The following CXADR variants were observed in gnomAD, a reference collection of about 807,000 sequenced individuals.
CXADR encodes the protein CXADR cell adhesion molecule.
A neutral mutation model predicts 40.3 loss-of-function variants in CXADR; 20 were observed. The observed-to-expected ratio is 0.50, with a 90% CI of 0.35 to 0.72. CXADR has a LOEUF of 0.72. Ranked by LOEUF, CXADR falls within the 30% of genes least tolerant of loss-of-function variation. The probability of loss-of-function intolerance (pLI) is 0.01; values close to 1 mark genes in which losing one functional copy is unlikely to be tolerated. For synonymous variants in CXADR, 150 were observed against 161.3 expected, an observed-to-expected ratio of 0.93 and a Z score of 0.53; for missense variants, 332 against 449.1, an observed-to-expected ratio of 0.74 and a Z score of 2.36.
At chr21:17,580,021 C>T (rs1165280694) in intron 7 of CXADR, among the ~76,000 whole-genome samples, 1 of 152,034 alleles carries the variant, frequency 6.6e-6, no homozygotes, top group Non-Finnish European at 1.5e-5. Context: ...TGGGATCTTG[C>T]TATGTTATCT....
rs148621597 is a variant in CXADR, at chr21:17,567,156, C to G, written c.*1464C>G. On this transcript the variant is annotated 3_prime_UTR_variant, in exon 7 of 7. Transcript: ENST00000284878. ...TCTGCAATAAATTATTTCACTAGCT[C>G]TAAAACCTTTCCCTAGATTTTAGTA... is the stretch of plus-strand genomic sequence containing the variant. 4.8e-3 allele frequency: 4,697 copies of G among 984,768 alleles called. 40 individuals carry two copies. The highest frequency in any genetic ancestry group is 0.027 in the African/African-American group (1,559 of 57,274). 61.0% of individuals were successfully genotyped at this position (984,768 alleles called of 1,614,324 possible).
rs143478011 is a variant in CXADR, at chr21:17,561,436, A to C, written c.793A>C (p.Arg265=). 1,621 of 1,611,884 alleles carry C rather than the reference A, an allele frequency of 1.0e-3. 1 individual carries two copies. The highest frequency in any genetic ancestry group is 1.3e-3 in the Non-Finnish European group (1,483 of 1,178,812). ...LIIFCCRKKR[R]EEKYEKEVHH... is the part of the protein sequence containing the mutation. ...CATCTTTTGCTGTCGTAAAAAGCGC[A>C]GAGAAGAAAAATATGAAAAGGAAGT... The change falls in exon 6 of 7, where the codon AGA becomes CGA. Residue 265 remains arginine (R), a synonymous_variant. Coordinates refer to ENST00000284878, the MANE Select transcript of CXADR (RefSeq NM_001338.5).
chr21:17,592,719 A>C lies in CXADR; in HGVS notation c.1018-433A>C, dbSNP rs559556864. On this transcript the variant is annotated intron_variant, in intron 7 of 7. Coordinates refer to the CXADR transcript ENST00000400169. ...GTGACACTAATAAACAAACATGCTCATGTTTGAATAGGCAGTCACTAGATT... is the reference window on the plus strand; with the variant it reads ...GTGACACTAATAAACAAACATGCTCCTGTTTGAATAGGCAGTCACTAGATT... Among the ~76,000 whole-genome samples the C allele has an allele frequency of 2.0e-5, 3 of 151,994 alleles. No individual in the cohort carries two copies. The South Asian group carries it at 6.2e-4, about 31-fold the overall frequency.
intron 3 of CXADR, 48 bp from the exon 4 acceptor site, chr21:17,558,928 G>A (rs1272184725): frequency 1.2e-5 from 19 of 1,558,408 alleles, no homozygotes; most frequent in South Asian, 3.7e-5. Flanking sequence ...ATTCATAAAA[G>A]TAAGTTCCAT....
At chr21:17,574,998 CACATACATACATACAT>C (rs1555875111), downstream of CXADR, among the ~76,000 whole-genome samples, 13 of 38,050 alleles carry the variant, frequency 3.4e-4, no homozygotes, top group Non-Finnish European at 5.1e-4. Context: ...TATATACACA[CACATACATACATACAT>C]ACATACATAC....
At chr21:17,543,035 G>T (rs558028478) in intron 1 of CXADR, 1 of 375,234 alleles carries the variant, frequency 2.7e-6, no homozygotes, top group Non-Finnish European at 5.3e-6. Context: ...GTGCAACACA[G>T]TGAAGAGGAA....
chr21:17,604,213 C>T, the CXADR span: 8 of 881,416 alleles, frequency 9.1e-6, no homozygotes, highest in South Asian at 6.6e-5. Flanking sequence ...GAGGCCAAGG[C>T]GGGCGGATCA....
the CXADR span, among the ~76,000 whole-genome samples, chr21:17,609,590 T>C: frequency 6.6e-6 from 1 of 152,242 alleles, no homozygotes; most frequent in Non-Finnish European, 1.5e-5. Flanking sequence ...AGAGCTATTT[T>C]ATAACAGAAA....
At chr21:17,516,113 A>G (rs1488873298) in intron 1 of CXADR, among the ~76,000 whole-genome samples, 2 of 152,192 alleles carry the variant, frequency 1.3e-5, no homozygotes, top group African/African-American at 2.4e-5. Flanking sequence ...AATGCCAGAT[A>G]CTGTTCTAAG....
intron 2 of CXADR, among the ~76,000 whole-genome samples, chr21:17,550,030 G>A (rs934465481): frequency 5.3e-5 from 8 of 152,090 alleles, no homozygotes; most frequent in South Asian, 2.1e-4. Context: ...AACTGGTATT[G>A]AGCGCAACCT....
downstream of CXADR, chr21:17,594,032 T>A (rs1051615758): frequency 5.2e-6 from 8 of 1,538,480 alleles, no homozygotes; most frequent in Non-Finnish European, 5.2e-6. Flanking sequence ...TAACTTTTAA[T>A]GTGTAGTAAG....
chr21:17,528,656 C>T (rs927119601), intron 1 of CXADR, among the ~76,000 whole-genome samples: 2 of 152,262 alleles, frequency 1.3e-5, no homozygotes, highest in African/African-American at 2.4e-5. Flanking sequence ...GATCCGCCCA[C>T]CTTGGCCTCC....
rs989143354 is a variant in CXADR at position 17,561,964 on chromosome 21, T to C, written c.833+488T>C. On this transcript the variant is annotated intron_variant, in intron 6 of 6. Coordinates refer to ENST00000284878, the MANE Select transcript of CXADR (RefSeq NM_001338.5). Reference sequence around the variant, plus strand: ...AACACATGACTTCACACCCTAGAAATTGACATTTGGCAGGTCTAGGGTGGG... The same window carrying C: ...AACACATGACTTCACACCCTAGAAACTGACATTTGGCAGGTCTAGGGTGGG... Among the ~76,000 whole-genome samples the C allele has an allele frequency of 3.2e-4, 49 of 152,308 alleles. 1 individual carries two copies. The highest frequency in any genetic ancestry group is 1.7e-4 in the African/African-American group (7 of 41,572).
chr21:17,551,696 T>A, intron 2 of CXADR, 53 bp from the exon 3 acceptor site: 1 of 1,502,692 alleles, frequency 6.7e-7, no homozygotes, highest in South Asian at 1.2e-5. Flanking sequence ...TAAGAGACAG[T>A]TTTTTTTGTG....
intron 7 of CXADR, among the ~76,000 whole-genome samples, chr21:17,581,024 T>G (rs370656361): frequency 9.8e-5 from 15 of 152,378 alleles, no homozygotes; most frequent in African/African-American, 3.4e-4. Flanking sequence ...GAGCTGGGAT[T>G]ATAGGCATGA....
chr21:17,578,849 G>A (rs918793068), intron 7 of CXADR, among the ~76,000 whole-genome samples: 3 of 152,034 alleles, frequency 2.0e-5, no homozygotes, highest in Non-Finnish European at 4.4e-5. Flanking sequence ...ATCTAAGGAA[G>A]CAGTACATTT....
At position 17,558,327 on chromosome 21, in the gene CXADR, G is replaced by A. The variant is rs569251212; in HGVS notation, c.416-649G>A. ...GAAGTTTTTATTATGACAGAGTCTC[G>A]CTATGTTACCCAGGCTGGTCTCAAA... On this transcript the variant is annotated intron_variant, in intron 3 of 6. Coordinates refer to ENST00000284878, the MANE Select transcript of CXADR (RefSeq NM_001338.5). Among the ~76,000 whole-genome samples, 13 of 152,022 alleles carry A rather than the reference G, an allele frequency of 8.6e-5. No individual in the cohort carries two copies. In the East Asian group the frequency reaches 9.7e-4, roughly 11 times the overall value.
chr21:17,536,098 C>T (rs977574912), intron 1 of CXADR, among the ~76,000 whole-genome samples: 1 of 152,148 alleles, frequency 6.6e-6, no homozygotes, highest in Non-Finnish European at 1.5e-5. Flanking sequence ...CGAGAAGAAT[C>T]ATGTATCAGT....
At chr21:17,617,896 T>C in the CXADR span, among the ~76,000 whole-genome samples, 1 of 152,218 alleles carries the variant, frequency 6.6e-6, no homozygotes, top group African/African-American at 2.4e-5. Flanking sequence ...GTGATGTTGT[T>C]TGGTAGCATT....
Sources: allele counts gnomAD v4.1 joint callset (sites outside exome capture counted in the v4.1 genomes callset), GRCh38; gene constraint gnomAD v4.1.1; transcripts MANE v1.5; gene names NCBI Gene and HGNC (gene_info 2026-07-23, HGNC 2026-07-21).